MRTFB: variants seen among roughly 807,000 people sequenced by gnomAD.
MRTFB encodes the protein myocardin-related transcription factor B.
In MRTFB, 29 loss-of-function variants were observed where a neutral mutation model predicts 104.2. The ratio of observed to expected loss-of-function variants is 0.28; its 90% CI spans 0.21 to 0.38. MRTFB has a LOEUF of 0.38. Among genes scored for constraint, MRTFB ranks in the 10% least tolerant of loss-of-function variants. MRTFB has a pLI of 1.00. For missense variants in MRTFB, 1,270 were observed against 1,341.6 expected (o/e 0.95, Z 0.83); for synonymous variants, 535 against 519.5 (o/e 1.03, Z -0.41).
intron 2 of MRTFB, among the ~76,000 whole-genome samples, chr16:14,101,728 A>G (rs967463243): frequency 6.6e-6 from 1 of 152,218 alleles, no homozygotes; most frequent in African/African-American, 2.4e-5. Flanking sequence ...ATAAAGATCT[A>G]CATCAGTATC....
upstream of MRTFB, among the ~76,000 whole-genome samples, chr16:14,066,456 T>C (rs2141732978): frequency 6.6e-6 from 1 of 152,154 alleles, no homozygotes; most frequent in East Asian, 1.9e-4. Flanking sequence ...ATATTTTTAG[T>C]AGAGATGGGG....
chr16:14,133,792 A>G (rs537865190), intron 2 of MRTFB, among the ~76,000 whole-genome samples: 28 of 152,346 alleles, frequency 1.8e-4, no homozygotes, highest in African/African-American at 6.0e-4. Flanking sequence ...ATAATTGCCA[A>G]ATATGGAAAT....
At chr16:14,185,337 G>T (rs886114436) in intron 3 of MRTFB, among the ~76,000 whole-genome samples, 5 of 152,202 alleles carry the variant, frequency 3.3e-5, no homozygotes, top group Non-Finnish European at 7.3e-5. Flanking sequence ...ACTTCATCCA[G>T]ACCCACCTGT....
chr16:14,178,426 C>T (rs1321400768), intron 3 of MRTFB, among the ~76,000 whole-genome samples: 1 of 152,162 alleles, frequency 6.6e-6, no homozygotes, highest in Non-Finnish European at 1.5e-5. Flanking sequence ...TATATGAGGG[C>T]ATGGCATGAC....
the MRTFB span, among the ~76,000 whole-genome samples, chr16:14,003,720 C>G: frequency 1.3e-5 from 2 of 148,448 alleles, no homozygotes; most frequent in Non-Finnish European, 3.0e-5. Context: ...TCCCTCCCTG[C>G]CATGCTACAA....
intron 2 of MRTFB, among the ~76,000 whole-genome samples, chr16:14,104,464 A>C (rs2035867934): frequency 6.6e-6 from 1 of 152,198 alleles, no homozygotes; most frequent in Admixed American, 6.5e-5. Flanking sequence ...TTTTACACTC[A>C]GGCAGGATGA....
At position 14,079,760 on chromosome 16, in the gene MRTFB, T is replaced by TA. The variant is rs551461384; in HGVS notation, c.-64+407dup. Among the ~76,000 whole-genome samples, 24 of 152,226 alleles carry TA rather than the reference T, an allele frequency of 1.6e-4. No individual in the cohort carries two copies. The South Asian group carries it at 3.1e-3, about 20-fold the overall frequency. On this transcript the variant is annotated intron_variant, in intron 2 of 16. Transcript: ENST00000571589. ...ACACTTAAAATTTTGGGTTTTTTTT[T>TA]ACTATAATAATGAAAAAAATTTCTA...
In MRTFB at chr16:14,245,570, G is replaced by T; in HGVS notation, c.1122G>T (p.Leu374Phe). ...DKNSNSGNSALNNATPNTPRQ... is the reference protein window; with the variant it reads ...DKNSNSGNSAFNNATPNTPRQ... The stretch of plus-strand genomic sequence containing the variant: ...ATAGTAACAGTGGGAATTCAGCTTT[G>T]AACAATGCCACACCTAACACACCAA... Residue 374 changes from leucine (L) to phenylalanine (F), a missense_variant, in exon 11 of 17, where the codon TTG (leucine) becomes TTT (phenylalanine). Transcript: ENST00000571589. The T allele has an allele frequency of 6.2e-7, 1 of 1,613,798 alleles. No homozygotes were observed. Among genetic ancestry groups the T allele is most frequent in the Non-Finnish European group, 8.5e-7 (1 of 1,179,912 alleles).
chr16:14,146,784 A>G (rs1214416750), intron 3 of MRTFB, among the ~76,000 whole-genome samples: 1 of 152,190 alleles, frequency 6.6e-6, no homozygotes, highest in Non-Finnish European at 1.5e-5. Context: ...GAAATATACA[A>G]TGGCAATGAA....
At chr16:14,118,576 C>T (rs548179438) in intron 2 of MRTFB, among the ~76,000 whole-genome samples, 72 of 151,526 alleles carry the variant, frequency 4.8e-4, no homozygotes, top group African/African-American at 1.5e-3. Flanking sequence ...CTGAGTTGGG[C>T]GGATTGCTTG....
intron 3 of MRTFB, among the ~76,000 whole-genome samples, chr16:14,198,784 G>A (rs1208417745): frequency 6.6e-6 from 1 of 152,160 alleles, no homozygotes; most frequent in African/African-American, 2.4e-5. Context: ...TGCAGCAGTC[G>A]CCAATCCTCA....
chr16:13,996,744 G>A, the MRTFB span, among the ~76,000 whole-genome samples: 1 of 152,196 alleles, frequency 6.6e-6, no homozygotes, highest in Non-Finnish European at 1.5e-5. Flanking sequence ...GGCCTGGTTG[G>A]GTAGGCAGAG....
intron 10 of MRTFB, among the ~76,000 whole-genome samples, chr16:14,244,824 G>A (rs775069202): frequency 6.6e-6 from 1 of 152,154 alleles, no homozygotes; most frequent in Non-Finnish European, 1.5e-5. Flanking sequence ...ATGTATTACA[G>A]ATATGTTGTC....
intron 3 of MRTFB, among the ~76,000 whole-genome samples, chr16:14,178,264 T>C (rs1218542812): frequency 6.6e-6 from 1 of 152,136 alleles, no homozygotes. Context: ...AAGATCTCAA[T>C]ATTGGTAGCG....
the MRTFB span, among the ~76,000 whole-genome samples, chr16:14,000,003 T>C: frequency 1.3e-5 from 2 of 152,094 alleles, no homozygotes; most frequent in Non-Finnish European, 2.9e-5. Context: ...ATGCCTCCTG[T>C]CACCATAGCA....
chr16:14,107,435 C>A (rs2142116901), intron 2 of MRTFB, among the ~76,000 whole-genome samples: 1 of 152,272 alleles, frequency 6.6e-6, no homozygotes, highest in Admixed American at 6.5e-5. Flanking sequence ...AACCACACAT[C>A]TGTCATTTTC....
chr16:14,225,407 A>T (rs2041955351), intron 8 of MRTFB, among the ~76,000 whole-genome samples: 1 of 151,508 alleles, frequency 6.6e-6, no homozygotes, highest in African/African-American at 2.5e-5. Flanking sequence ...TTTTTATGTG[A>T]CTGAAGTTGT....
the MRTFB span, among the ~76,000 whole-genome samples, chr16:14,034,882 A>G: frequency 6.6e-6 from 1 of 152,142 alleles, no homozygotes; most frequent in Non-Finnish European, 1.5e-5. Flanking sequence ...ACTAGGAAGG[A>G]AGGCCCCACC....
Position 14,212,293 on chromosome 16 carries a change from A to G in MRTFB, c.221-61A>G, listed in dbSNP as rs111642573. Reference sequence around the variant, plus strand: ...AATAGGGTTATCACCATGGTATACTATAACATTGGACTGAAGTATGAACTC... The same window carrying G: ...AATAGGGTTATCACCATGGTATACTGTAACATTGGACTGAAGTATGAACTC... On this transcript the variant is annotated intron_variant, in intron 4 of 16. Coordinates refer to ENST00000571589, the MANE Select transcript of MRTFB (RefSeq NM_001308142.2). 3.3e-6 allele frequency: 5 copies of G among 1,522,566 alleles called. No homozygotes were observed. In the African/African-American group the frequency reaches 4.1e-5, roughly 13 times the overall value. 94.3% of individuals were successfully genotyped at this position (1,522,566 alleles called of 1,614,324 possible).
Sources: allele counts gnomAD v4.1 joint callset (sites outside exome capture counted in the v4.1 genomes callset), GRCh38; gene constraint gnomAD v4.1.1; transcripts MANE v1.5; gene names NCBI Gene and HGNC (gene_info 2026-07-23, HGNC 2026-07-21).